AMZ1: variants seen among roughly 807,000 people sequenced by gnomAD.
AMZ1 encodes archaemetzincin-1.
AMZ1 carries 39 observed loss-of-function variants against 29.9 expected under a neutral mutation model. The ratio of observed to expected loss-of-function variants is 1.30; its 90% CI spans 1.01 to 1.70. The LOEUF (loss-of-function observed/expected upper bound fraction) is 1.70. Ranked by LOEUF, AMZ1 falls within the 40% of genes most tolerant of loss-of-function variation. The pLI is 0.00. For synonymous variants in AMZ1, 458 were observed against 304.0 expected (o/e 1.51, Z -5.27); for missense variants, 1,041 against 680.6 (o/e 1.53, Z -5.89).
chr7:2,751,647 A>G (rs1461502738), intron 4 of AMZ1, among the ~76,000 whole-genome samples: 1 of 152,224 alleles, frequency 6.6e-6, no homozygotes, highest in Non-Finnish European at 1.5e-5. Context: ...AAGAAAAAGA[A>G]AAAACAAATC....
At position 2,742,917 on chromosome 7, in the gene AMZ1, A is replaced by C. The variant is rs187469169; in HGVS notation, n.551-21795A>C. On this transcript the variant is annotated intron_variant and non_coding_transcript_variant, in intron 4 of 4. Coordinates refer to the AMZ1 transcript ENST00000489665. ...CCTGCTAAGCTCTGTATTCATTCTA[A>C]TAATAGACCTGTAGGTTCTTCTCAA... Among the ~76,000 whole-genome samples, 358 of 152,342 alleles carry C rather than the reference A, an allele frequency of 2.3e-3. 3 individuals are homozygous for C. Among genetic ancestry groups the C allele is most frequent in the Admixed American group, 0.012 (188 of 15,300 alleles).
chr7:2,710,233 C>A (rs1277571068), intron 6 of AMZ1, among the ~76,000 whole-genome samples: 3 of 152,208 alleles, frequency 2.0e-5, no homozygotes, highest in South Asian at 2.1e-4. Flanking sequence ...GGAGCTGACA[C>A]AACAAGGCTT....
At chr7:2,721,898 CAT>C (rs1242960604), downstream of AMZ1, among the ~76,000 whole-genome samples, 2 of 152,172 alleles carry the variant, frequency 1.3e-5, no homozygotes, top group African/African-American at 2.4e-5. Context: ...GTGGCTATAA[CAT>C]ATATTTTTAC....
downstream of AMZ1, among the ~76,000 whole-genome samples, chr7:2,720,440 G>A (rs1014288619): frequency 2.0e-4 from 31 of 152,162 alleles, no homozygotes; most frequent in African/African-American, 6.0e-4. Context: ...CAGAGTCTGT[G>A]TTGCCCAGGC....
At position 2,737,278 on chromosome 7, in the gene AMZ1, T is replaced by G. The variant is rs1238771573; in HGVS notation, n.551-27434T>G. Among the ~76,000 whole-genome samples the G allele has an allele frequency of 5.6e-5, 4 of 71,598 alleles. 1 individual carries two copies. The highest frequency in any genetic ancestry group is 4.4e-4 in the Admixed American group (3 of 6,744). 47.0% of individuals were successfully genotyped at this position (71,598 alleles called of 152,430 possible). A position where few individuals can be genotyped will look rare whatever the true frequency, so the allele number is the denominator to read the frequency against. On this transcript the variant is annotated intron_variant and non_coding_transcript_variant, in intron 4 of 4. Transcript: ENST00000489665. ...GCTATCTCACAGTTTTGTTTTGTTTTTTTTTTTTTTGTTTTTTTTTTTTTT... is the reference window on the plus strand; with the variant it reads ...GCTATCTCACAGTTTTGTTTTGTTTGTTTTTTTTTTGTTTTTTTTTTTTTT...
rs757540915 is a variant in AMZ1, at chr7:2,731,066, C to G, written n.550+21250C>G. 2.4e-5 allele frequency: 16 copies of G among 677,876 alleles called. No individual in the cohort carries two copies. Among genetic ancestry groups the G allele is most frequent in the Non-Finnish European group, 4.0e-5 (16 of 400,990 alleles). 42.0% of individuals were successfully genotyped at this position (677,876 alleles called of 1,614,324 possible). A position where few individuals can be genotyped will look rare whatever the true frequency, so the allele number is the denominator to read the frequency against. On this transcript the variant is annotated intron_variant and non_coding_transcript_variant, in intron 4 of 4. Transcript: ENST00000489665. The surrounding 1 kb of genome is among the most constrained non-coding windows in gnomAD (Gnocchi z 6.0). ...TGACAGCATTCCTGAGCCAGGTATT[C>G]CAGGGCACGGATCCGAGAAACCCAC...
upstream of AMZ1, chr7:2,688,163 C>T (rs1787162424): frequency 6.6e-6 from 1 of 152,532 alleles, no homozygotes; most frequent in South Asian, 2.1e-4. Context: ...CCGCCCGCCT[C>T]GGTCCCTGCC....
chr7:2,744,606 G>T (rs1583225169), intron 4 of AMZ1, among the ~76,000 whole-genome samples: 1 of 152,152 alleles, frequency 6.6e-6, no homozygotes, highest in African/African-American at 2.4e-5. Context: ...CTAAAAATCA[G>T]AGCACCTCTC....
At chr7:2,755,475 C>T (rs973945374) in intron 4 of AMZ1, among the ~76,000 whole-genome samples, 1 of 152,352 alleles carries the variant, frequency 6.6e-6, no homozygotes, top group African/African-American at 2.4e-5. Context: ...GTTAAATTTA[C>T]ACCACAGTAT....
At position 2,708,653 on chromosome 7, in the gene AMZ1, C is replaced by A. The variant is rs374954585; in HGVS notation, c.538C>A (p.Leu180Met). 8.1e-6 allele frequency: 13 copies of A among 1,613,148 alleles called. No individual in the cohort carries two copies. In the African/African-American group the frequency reaches 1.5e-4, roughly 18 times the overall value. The change falls in exon 4 of 7, where the codon CTG becomes ATG. Residue 180 changes from leucine (L) to methionine (M), a missense_variant. Physicochemically the swap from Leu to Met is conservative, Grantham distance 15. Transcript: ENST00000683327. ...GDALCVLGLT[L>M]SDLYPHEAWS... ...CGCGCTGTGTGTGCTGGGCCTCACA[C>A]TGTCTGACCTGTACCCCCATGAGGC...
intron 1 of AMZ1, among the ~76,000 whole-genome samples, chr7:2,682,199 C>G (rs556170392): frequency 1.3e-5 from 2 of 151,984 alleles, no homozygotes; most frequent in African/African-American, 2.4e-5. Context: ...TCTGGGAGCT[C>G]GCCCTGCTTG....
chr7:2,726,211 C>T (rs1789609700), intron 4 of AMZ1, among the ~76,000 whole-genome samples: 1 of 152,218 alleles, frequency 6.6e-6, no homozygotes, highest in Admixed American at 6.5e-5. Flanking sequence ...TTCATCTCTG[C>T]CCTTAAATCA....
chr7:2,690,662 G>A (rs1242108608), intron 1 of AMZ1, among the ~76,000 whole-genome samples: 2 of 152,038 alleles, frequency 1.3e-5, no homozygotes, highest in Non-Finnish European at 1.5e-5. Flanking sequence ...GTGTGCAAAC[G>A]GCCTCTGTGG....
At position 2,731,549 on chromosome 7, in the gene AMZ1, C is replaced by G. The variant is rs201962977; in HGVS notation, n.550+21733C>G. ...TTGGTGCGCCTGTCCTCCATGAGGACCTGGTCGTACTCGCTGGAGGAGACC... is the reference window on the plus strand; with the variant it reads ...TTGGTGCGCCTGTCCTCCATGAGGAGCTGGTCGTACTCGCTGGAGGAGACC... On this transcript the variant is annotated intron_variant and non_coding_transcript_variant, in intron 4 of 4. Transcript: ENST00000489665. This position sits in a 1 kb window ranked among gnomAD's most constrained non-coding sequence, Gnocchi z 6.0. The G allele has an allele frequency of 1.2e-6, 2 of 1,610,906 alleles. No homozygotes were observed. Among genetic ancestry groups the G allele is most frequent in the African/African-American group, 2.7e-5 (2 of 74,832 alleles).
At chr7:2,756,850 A>T (rs999997052) in intron 4 of AMZ1, among the ~76,000 whole-genome samples, 1 of 152,048 alleles carries the variant, frequency 6.6e-6, no homozygotes, top group Non-Finnish European at 1.5e-5. Context: ...AGGTGGGAGG[A>T]TCCCTTGAGC....
chr7:2,765,042 T>C (rs1231948493), intron 1 of AMZ1: 1 of 152,132 alleles, frequency 6.6e-6, no homozygotes, highest in Admixed American at 6.5e-5. Context: ...AAGCATAATC[T>C]CAGAAATCTG....
chr7:2,725,678 C>T (rs1370895597), intron 4 of AMZ1, among the ~76,000 whole-genome samples: 4 of 152,226 alleles, frequency 2.6e-5, no homozygotes, highest in Non-Finnish European at 5.9e-5. Context: ...GCTCAGTTAC[C>T]CCCGAAAACC....
rs754341337 is a variant in AMZ1, at chr7:2,709,180, C to G, written c.707C>G (p.Ala236Gly). The G allele has an allele frequency of 3.9e-6, 6 of 1,543,266 alleles. No individual in the cohort carries two copies. Among genetic ancestry groups the G allele is most frequent in the Non-Finnish European group, 5.2e-6 (6 of 1,146,714 alleles). Residue 236 changes from alanine to glycine, a missense_variant, in exon 5 of 7, where the codon GCC (alanine) becomes GGC (glycine). Physicochemically the swap from Ala to Gly is moderately conservative, Grantham distance 60 (BLOSUM62 0). Coordinates refer to ENST00000683327, the MANE Select transcript of AMZ1 (RefSeq NM_001384743.1). ...GAGGCAGCAGCAGACGGCCCCGAGGCCCCCCTGCAGGACAGGGGCTGGGCC... is the reference window on the plus strand; with the variant it reads ...GAGGCAGCAGCAGACGGCCCCGAGGGCCCCCTGCAGGACAGGGGCTGGGCC... ...LVEAAADGPE[A>G]PLQDRGWALC...
chr7:2,710,305 G>A (rs192401332), intron 6 of AMZ1, among the ~76,000 whole-genome samples: 1 of 152,324 alleles, frequency 6.6e-6, no homozygotes, highest in East Asian at 1.9e-4. Context: ...CGAGCAAAGG[G>A]CTCGTCCGTA....
Sources: allele counts gnomAD v4.1 joint callset (sites outside exome capture counted in the v4.1 genomes callset), GRCh38; gene constraint gnomAD v4.1.1; non-coding constraint Gnocchi (gnomAD v3.1); transcripts MANE v1.5; gene names NCBI Gene and HGNC (gene_info 2026-07-23, HGNC 2026-07-21).